Variants in LGI1 observed in about 807,000 individuals in gnomAD.
The protein encoded by LGI1 is leucine rich glioma inactivated 1, also known as leucine-rich glioma-inactivated protein 1.
In LGI1, 11 loss-of-function variants were observed where a neutral mutation model predicts 57.7. The observed-to-expected ratio is 0.19, with a 90% confidence interval of 0.12 to 0.32. The LOEUF is 0.32. Among genes scored for constraint, LGI1 ranks in the 10% least tolerant of loss-of-function variants. The pLI, the probability that LGI1 is intolerant of heterozygous loss-of-function variation, is 1.00. For synonymous variants in LGI1, 222 were observed against 241.9 expected, an observed-to-expected ratio of 0.92 and a Z score of 0.76; for missense variants, 422 against 661.9, an observed-to-expected ratio of 0.64 and a Z score of 3.98.
intron 4 of LGI1, among the ~76,000 whole-genome samples, chr10:93,783,757 A>G (rs767828553): frequency 1.3e-5 from 2 of 152,136 alleles, no homozygotes; most frequent in African/African-American, 4.8e-5. Context: ...CATGCTTGTA[A>G]TCCCAGCACT....
intron 2 of LGI1, chr10:93,763,551 T>C (rs2059645138): frequency 1.3e-5 from 2 of 152,256 alleles, no homozygotes; most frequent in Non-Finnish European, 2.9e-5. Flanking sequence ...TGCTGAAGAC[T>C]CCTGTGTTAC....
At chr10:93,761,048 G>A (rs559654676) in intron 2 of LGI1, among the ~76,000 whole-genome samples, 57 of 152,216 alleles carry the variant, frequency 3.7e-4, no homozygotes, top group African/African-American at 1.3e-3. Context: ...CTCTGCTTCC[G>A]CCTATCCTCA....
intron 3 of LGI1, 32 bp from the exon 4 acceptor site, chr10:93,777,514 T>A (rs1049843019): frequency 6.2e-7 from 1 of 1,610,336 alleles, no homozygotes; most frequent in South Asian, 1.1e-5. Context: ...TTCCTGTAAC[T>A]GTTTGACAAA....
chr10:93,769,567 C>T (rs560493520), intron 2 of LGI1: 1 of 152,362 alleles, frequency 6.6e-6, no homozygotes, highest in South Asian at 2.1e-4. Context: ...GAGACATGCT[C>T]ATACACATTA....
At chr10:93,794,915 G>C (rs2059967238) in intron 7 of LGI1, 3 of 152,156 alleles carry the variant, frequency 2.0e-5, no homozygotes, top group Non-Finnish European at 4.4e-5. Flanking sequence ...CAGGTCTGGG[G>C]CTTGCTTGAG....
intron 2 of LGI1, chr10:93,776,982 G>C (rs113110265): frequency 4.6e-6 from 1 of 219,338 alleles, no homozygotes; most frequent in East Asian, 1.2e-4. Flanking sequence ...GCTCAAAACC[G>C]CAAAGTACCA....
At chr10:93,774,341 A>G (rs910568371) in intron 2 of LGI1, among the ~76,000 whole-genome samples, 3 of 152,138 alleles carry the variant, frequency 2.0e-5, no homozygotes, top group Non-Finnish European at 4.4e-5. Context: ...TTCCAAGAGC[A>G]AGCAGGATTC....
At chr10:93,774,090 C>T (rs939321925) in intron 2 of LGI1, among the ~76,000 whole-genome samples, 5 of 152,154 alleles carry the variant, frequency 3.3e-5, no homozygotes, top group Admixed American at 6.5e-5. Context: ...CACAGCTCCT[C>T]CACTCCCCAC....
At chr10:93,759,830 C>T (rs563630450) in intron 2 of LGI1, among the ~76,000 whole-genome samples, 12 of 152,118 alleles carry the variant, frequency 7.9e-5, no homozygotes, top group Admixed American at 3.3e-4. Flanking sequence ...ATGGAGTGGA[C>T]GTTGGAGAGA....
At chr10:93,760,784 C>T (rs1365445951) in intron 2 of LGI1, among the ~76,000 whole-genome samples, 1 of 152,174 alleles carries the variant, frequency 6.6e-6, no homozygotes, top group Admixed American at 6.5e-5. Context: ...GTGTGCCATG[C>T]CCGTGCCCCA....
chr10:93,758,225 T>C lies in LGI1; in HGVS notation c.81T>C (p.Ser27=). 6.2e-7 allele frequency: 1 copy of C among 1,614,228 alleles called. No homozygotes were observed. Among genetic ancestry groups the C allele is most frequent in the Non-Finnish European group, 8.5e-7 (1 of 1,180,036 alleles). ...TTGCTTATTTCCTATGTCTCTTATC[T>C]GCGCTTTTGCTGACTGAGGGGAAGA... The part of the protein sequence containing the change: ...KRIAYFLCLL[S]ALLLTEGKKP... The change falls in exon 1 of 8, where the codon TCT becomes TCC. Residue 27 remains serine (S), a synonymous_variant. Coordinates refer to ENST00000371418, the MANE Select transcript of LGI1 (RefSeq NM_005097.4). The surrounding 1 kb of genome is among the most constrained non-coding windows in gnomAD (Gnocchi z 4.7).
intron 4 of LGI1, among the ~76,000 whole-genome samples, chr10:93,778,402 C>T (rs2059815049): frequency 6.6e-6 from 1 of 151,964 alleles, no homozygotes; most frequent in African/African-American, 2.4e-5. Context: ...TGTGCATACA[C>T]ACACACACTC....
rs779779923 is a variant in LGI1, at chr10:93,797,146, G to C, written c.1017G>C (p.Lys339Asn). ...IRKPNDIETF[K>N]IENNWYFVVA... ...AACCCAATGACATTGAAACATTCAAGATTGAAAACAACTGGTACTTTGTTG... is the reference window on the plus strand; with the variant it reads ...AACCCAATGACATTGAAACATTCAACATTGAAAACAACTGGTACTTTGTTG... Residue 339 changes from lysine to asparagine, a missense_variant, in exon 8 of 8, where the codon AAG becomes AAC. Around this residue, in one of 3 missense-constraint regions of LGI1, gnomAD observed 301 missense variants for 461.7 expected, o/e 0.65. Transcript: ENST00000371418. This position sits in a 1 kb window ranked among gnomAD's most constrained non-coding sequence, Gnocchi z 6.5. 6.2e-7 allele frequency: 1 copy of C among 1,614,158 alleles called. No individual in the cohort carries two copies. Among genetic ancestry groups the C allele is most frequent in the South Asian group, 1.1e-5 (1 of 91,072 alleles).
chr10:93,758,664 T>C lies in LGI1; in HGVS notation c.216-96T>C, dbSNP rs977724616. Reference sequence around the variant, plus strand: ...TAAAATAGTGTCAAAATAGTCACTGTTATGCTAAACCGGATTAACATAAGG... The same window carrying C: ...TAAAATAGTGTCAAAATAGTCACTGCTATGCTAAACCGGATTAACATAAGG... On this transcript the variant is annotated intron_variant, in intron 1 of 7. Coordinates refer to ENST00000371418, the MANE Select transcript of LGI1 (RefSeq NM_005097.4). The surrounding 1 kb of genome is among the most constrained non-coding windows in gnomAD (Gnocchi z 4.7). The C allele has an allele frequency of 8.0e-6, 7 of 873,980 alleles. No individual in the cohort carries two copies. Among genetic ancestry groups the C allele is most frequent in the Non-Finnish European group, 1.3e-5 (7 of 528,160 alleles). 54.1% of individuals were successfully genotyped at this position (873,980 alleles called of 1,614,324 possible). A position where few individuals can be genotyped will look rare whatever the true frequency, so the allele number is the denominator to read the frequency against.
At chr10:93,783,689 C>T (rs1316836547) in intron 4 of LGI1, among the ~76,000 whole-genome samples, 1 of 152,182 alleles carries the variant, frequency 6.6e-6, no homozygotes, top group Non-Finnish European at 1.5e-5. Flanking sequence ...TCGTCTACTC[C>T]AGCCTGCCTC....
chr10:93,770,295 C>T (rs1398039201), intron 2 of LGI1: 1 of 152,324 alleles, frequency 6.6e-6, no homozygotes, highest in Non-Finnish European at 1.5e-5. Context: ...ATTCACTCTT[C>T]AGTGTGCTGC....
intron 4 of LGI1, chr10:93,779,048 T>C (rs984472020): frequency 6.6e-6 from 1 of 152,218 alleles, no homozygotes; most frequent in African/African-American, 2.4e-5. Context: ...TGACATGATA[T>C]GATGCAAAGA....
Position 93,758,867 on chromosome 10 carries a change from G to A in LGI1, c.287+36G>A, listed in dbSNP as rs1171619125. 7.1e-7 allele frequency: 1 copy of A among 1,401,690 alleles called. No homozygotes were observed. Among genetic ancestry groups the A allele is most frequent in the Non-Finnish European group, 1.0e-6 (1 of 988,008 alleles). 86.8% of individuals were successfully genotyped at this position (1,401,690 alleles called of 1,614,324 possible). A position where few individuals can be genotyped will look rare whatever the true frequency, so the allele number is the denominator to read the frequency against. ...TTTATATCATGACTATTTTTAATAT[G>A]GCATATATTTGGATAAGCCTTCTAG... On this transcript the variant is annotated intron_variant, in intron 2 of 7. Coordinates refer to ENST00000371418, the MANE Select transcript of LGI1 (RefSeq NM_005097.4). This position sits in a 1 kb window ranked among gnomAD's most constrained non-coding sequence, Gnocchi z 4.7.
At chr10:93,781,183 C>T (rs573847660) in intron 4 of LGI1, among the ~76,000 whole-genome samples, 1 of 151,966 alleles carries the variant, frequency 6.6e-6, no homozygotes, top group Admixed American at 6.6e-5. Context: ...ATGGTGAAAC[C>T]CCATCTCTAC....
Sources: allele counts gnomAD v4.1 joint callset (sites outside exome capture counted in the v4.1 genomes callset), GRCh38; gene constraint gnomAD v4.1.1; regional missense constraint gnomAD v4.1.1; non-coding constraint Gnocchi (gnomAD v3.1); transcripts MANE v1.5; gene names NCBI Gene and HGNC (gene_info 2026-07-23, HGNC 2026-07-21).